DMD: variants seen among roughly 807,000 people sequenced by gnomAD.
DMD encodes dystrophin, also known as mutant dystrophin.
DMD carries 63 observed loss-of-function variants against 330.1 expected under a neutral mutation model. That is an observed-to-expected ratio of 0.19 (90% CI 0.16 to 0.24). DMD has a LOEUF of 0.24. Among genes scored for constraint, DMD ranks in the 10% least tolerant of loss-of-function variants. The probability of loss-of-function intolerance (pLI) is 1.00; values close to 1 mark genes in which losing one functional copy is unlikely to be tolerated. For missense variants in DMD, 3,344 were observed against 2,684.1 expected (o/e 1.25, Z -5.43); for synonymous variants, 1,223 against 959.8 (o/e 1.27, Z -5.07).
intron 44 of DMD, among the ~76,000 whole-genome samples, chrX:32,142,027 T>G (rs1455949858): frequency 9.0e-6 from 1 of 111,488 alleles, no homozygotes; most frequent in Non-Finnish European, 1.9e-5. Flanking sequence ...TCCTTCATGG[T>G]GCTTACATCA....
chrX:32,985,873 T>C (rs2092831053), intron 2 of DMD, among the ~76,000 whole-genome samples: 1 of 111,770 alleles, frequency 8.9e-6, no homozygotes, highest in South Asian at 3.8e-4. Context: ...AGAACTGCTT[T>C]GTCCCCCAAA....
chrX:32,747,594 C>G (rs1394163029), intron 7 of DMD, among the ~76,000 whole-genome samples: 1 of 112,218 alleles, frequency 8.9e-6, no homozygotes, highest in Admixed American at 9.5e-5. Flanking sequence ...CAATCCTGAT[C>G]CTCCCGCCTC....
At chrX:33,156,991 A>G (rs1433543846) in intron 1 of DMD, among the ~76,000 whole-genome samples, 1 of 112,107 alleles carries the variant, frequency 8.9e-6, no homozygotes, top group Non-Finnish European at 1.9e-5. Flanking sequence ...CTGATGTCCA[A>G]TGGAACAGTA....
chrX:32,659,043 A>T (rs775343450), intron 9 of DMD, among the ~76,000 whole-genome samples: 26 of 112,035 alleles, frequency 2.3e-4, no homozygotes, highest in Non-Finnish European at 4.5e-4. Flanking sequence ...AACTTTTATA[A>T]AATCACTTTC....
intron 4 of DMD, among the ~76,000 whole-genome samples, chrX:32,829,407 T>A (rs1362828682): frequency 9.0e-6 from 1 of 111,452 alleles, no homozygotes; most frequent in African/African-American, 3.3e-5. Context: ...TTTTGCAAAA[T>A]TGTTATAAAA....
chrX:33,120,530 A>T (rs375719422), intron 1 of DMD, among the ~76,000 whole-genome samples: 2,567 of 111,333 alleles, frequency 0.023, 43 homozygotes, highest in Non-Finnish European at 0.032. Flanking sequence ...GAACATCAGC[A>T]ACAACTTTTA....
intron 9 of DMD, among the ~76,000 whole-genome samples, chrX:32,692,156 T>C (rs2147490793): frequency 8.9e-6 from 1 of 112,363 alleles, no homozygotes; most frequent in South Asian, 3.7e-4. Context: ...ATGTTAAGTG[T>C]TCTTACACAC....
At chrX:31,344,040 G>A (rs184655971) in intron 61 of DMD, among the ~76,000 whole-genome samples, 2 of 101,630 alleles carry the variant, frequency 2.0e-5, no homozygotes, top group Non-Finnish European at 2.0e-5. Flanking sequence ...TGGAGTGCGG[G>A]GGGGGGTGGA....
intron 60 of DMD, among the ~76,000 whole-genome samples, chrX:31,350,593 G>A (rs1465089944): frequency 3.6e-5 from 2 of 55,945 alleles, no homozygotes; most frequent in African/African-American, 1.2e-4. Context: ...AATGTGGTAC[G>A]TGTGTGTGTG....
At chrX:31,892,038 CA>C (rs1455553304) in intron 47 of DMD, among the ~76,000 whole-genome samples, 5 of 112,229 alleles carry the variant, frequency 4.5e-5, no homozygotes, top group African/African-American at 1.6e-4. Flanking sequence ...CCAGTATGTA[CA>C]AATGTCTGAT....
At chrX:32,682,308 G>T (rs922323547) in intron 9 of DMD, among the ~76,000 whole-genome samples, 1 of 111,314 alleles carries the variant, frequency 9.0e-6, no homozygotes, top group Non-Finnish European at 1.9e-5. Flanking sequence ...CAAAGGAGAA[G>T]AAAGCTCATC....
chrX:31,599,723 T>C (rs1022236588), intron 55 of DMD, among the ~76,000 whole-genome samples: 21 of 112,147 alleles, frequency 1.9e-4, no homozygotes, highest in African/African-American at 6.8e-4. Flanking sequence ...TGTGTTAATT[T>C]GCAGATGATT....
At chrX:33,027,225 A>G (rs2094021250) in intron 1 of DMD, among the ~76,000 whole-genome samples, 1 of 112,125 alleles carries the variant, frequency 8.9e-6, no homozygotes, top group South Asian at 3.7e-4. Context: ...AAAGGGGGGA[A>G]ATGTTGGCAT....
At chrX:33,270,449 T>C (rs751157867) in intron 1 of DMD, among the ~76,000 whole-genome samples, 5 of 111,779 alleles carry the variant, frequency 4.5e-5, no homozygotes, top group Non-Finnish European at 9.4e-5. Flanking sequence ...ACTCATAAAA[T>C]GTATCTACCC....
At chrX:33,133,190 C>A (rs758140125) in intron 1 of DMD, among the ~76,000 whole-genome samples, 1 of 111,092 alleles carries the variant, frequency 9.0e-6, no homozygotes, top group Non-Finnish European at 1.9e-5. Flanking sequence ...AGAGGTTAGG[C>A]TCCTGCTGAG....
At position 32,696,837 on chromosome X, in the gene DMD, G is replaced by C. The variant is rs148769559; in HGVS notation, c.960+1033C>G. Among the ~76,000 whole-genome samples the C allele has an allele frequency of 6.2e-3, 688 of 111,358 alleles. 9 individuals carry two copies. The highest frequency in any genetic ancestry group is 0.022 in the African/African-American group (667 of 30,663). Reference sequence around the variant, plus strand: ...TGGAGAGTCAAGAGGTCCAGAATGAGAGAGAGTGAGAAGAGAGCTTTGCAA... The same window carrying C: ...TGGAGAGTCAAGAGGTCCAGAATGACAGAGAGTGAGAAGAGAGCTTTGCAA... On this transcript the variant is annotated intron_variant, in intron 9 of 78. Transcript: ENST00000357033.
intron 52 of DMD, among the ~76,000 whole-genome samples, chrX:31,726,956 G>C (rs972823983): frequency 1.8e-5 from 2 of 111,270 alleles, no homozygotes; most frequent in Admixed American, 9.6e-5. Context: ...TATTGGCAGA[G>C]AGATACAAAC....
chrX:32,036,791 G>A (rs1380364375), intron 44 of DMD, among the ~76,000 whole-genome samples: 3 of 111,748 alleles, frequency 2.7e-5, no homozygotes, highest in Non-Finnish European at 5.7e-5. Context: ...GAAGGATGTC[G>A]TCAATACTTA....
At chrX:32,291,695 T>A (rs1208361493) in intron 42 of DMD, among the ~76,000 whole-genome samples, 7 of 111,871 alleles carry the variant, frequency 6.3e-5, no homozygotes, top group Admixed American at 2.9e-4. Flanking sequence ...GGTTACATGC[T>A]TGTGTATGTG....
Sources: allele counts gnomAD v4.1 joint callset (sites outside exome capture counted in the v4.1 genomes callset), GRCh38; gene constraint gnomAD v4.1.1; transcripts MANE v1.5; gene names NCBI Gene and HGNC (gene_info 2026-07-23, HGNC 2026-07-21).